Variants in PPP3CC observed in about 807,000 individuals in gnomAD.
The protein encoded by PPP3CC is protein phosphatase 3 catalytic subunit gamma, also known as serine/threonine-protein phosphatase 2B catalytic subunit gamma isoform.
In PPP3CC, 35 loss-of-function variants were observed where a neutral mutation model predicts 60.3. The observed-to-expected ratio is 0.58, with a 90% confidence interval of 0.44 to 0.77. The LOEUF is 0.77. PPP3CC is among the 30% of genes least tolerant of loss of function. The pLI, the probability that PPP3CC is intolerant of heterozygous loss-of-function variation, is 0.00. For missense variants in PPP3CC, 570 were observed against 628.9 expected, an observed-to-expected ratio of 0.91 and a Z score of 1.00; for synonymous variants, 206 against 224.3, an observed-to-expected ratio of 0.92 and a Z score of 0.73.
intron 11 of PPP3CC, 49 bp from the exon 12 acceptor site, chr8:22,532,872 G>A: frequency 7.7e-7 from 1 of 1,303,956 alleles, no homozygotes; most frequent in Non-Finnish European, 1.0e-6. Flanking sequence ...TTAAGTTGCT[G>A]AATGGAGAGT....
At chr8:22,518,691 A>T (rs567831942) in intron 6 of PPP3CC, among the ~76,000 whole-genome samples, 19 of 152,024 alleles carry the variant, frequency 1.2e-4, no homozygotes, top group African/African-American at 4.6e-4. Flanking sequence ...ACTTGCTATT[A>T]TTATTATTAT....
At chr8:22,536,243 T>C (rs73227894) in intron 12 of PPP3CC, among the ~76,000 whole-genome samples, 5,327 of 152,348 alleles carry the variant, frequency 0.035, 135 homozygotes, top group Non-Finnish European at 0.057. Context: ...GTGAGCAGAA[T>C]ATGTTCCCAC....
At chr8:22,449,791 A>G (rs2132428169) in intron 1 of PPP3CC, among the ~76,000 whole-genome samples, 1 of 152,244 alleles carries the variant, frequency 6.6e-6, no homozygotes, top group Non-Finnish European at 1.5e-5. Flanking sequence ...GGATAGTTGA[A>G]AACTGGTGGA....
intron 5 of PPP3CC, among the ~76,000 whole-genome samples, chr8:22,512,769 A>G (rs1465880567): frequency 6.6e-6 from 1 of 152,182 alleles, no homozygotes; most frequent in Non-Finnish European, 1.5e-5. Context: ...GTTAGATGAC[A>G]GGGATGTTTA....
intron 1 of PPP3CC, among the ~76,000 whole-genome samples, chr8:22,441,709 C>T (rs991221740): frequency 6.6e-6 from 1 of 152,028 alleles, no homozygotes; most frequent in Admixed American, 6.5e-5. Context: ...GTGGGGACTT[C>T]TTCTCCCACC....
chr8:22,454,582 A>G (rs75387631), intron 1 of PPP3CC, among the ~76,000 whole-genome samples: 1,966 of 152,338 alleles, frequency 0.013, 44 homozygotes, highest in African/African-American at 0.044. Context: ...GTTTGTTTAC[A>G]CCGGCAGTAC....
intron 10 of PPP3CC, 67 bp downstream of exon 10, chr8:22,528,644 T>G: frequency 8.8e-7 from 1 of 1,140,730 alleles, no homozygotes; most frequent in Non-Finnish European, 1.2e-6. Context: ...TGTTTTAGTT[T>G]ATTTTGAATG....
At chr8:22,479,615 G>T (rs1351654764) in intron 3 of PPP3CC, among the ~76,000 whole-genome samples, 1 of 151,806 alleles carries the variant, frequency 6.6e-6, no homozygotes, top group Non-Finnish European at 1.5e-5. Context: ...GTGGTGGTGG[G>T]CGCCTGTAAT....
chr8:22,540,485 A>T, intron 13 of PPP3CC, 130 bp from the exon 14 acceptor site: 1 of 862,386 alleles, frequency 1.2e-6, no homozygotes, highest in Non-Finnish European at 1.8e-6. Context: ...GACTTTCACT[A>T]GACGTGTGCT....
At chr8:22,458,109 A>T (rs1026132252) in intron 1 of PPP3CC, among the ~76,000 whole-genome samples, 2 of 152,154 alleles carry the variant, frequency 1.3e-5, no homozygotes, top group African/African-American at 4.8e-5. Flanking sequence ...AACAAAAAAA[A>T]CAAAAAAAAC....
At chr8:22,487,000 G>C (rs887313949) in intron 3 of PPP3CC, among the ~76,000 whole-genome samples, 1 of 152,240 alleles carries the variant, frequency 6.6e-6, no homozygotes, top group African/African-American at 2.4e-5. Flanking sequence ...AAAGTGCTGG[G>C]ATTACAGGCA....
chr8:22,441,120 G>A lies in PPP3CC; in HGVS notation c.-290G>A. The A allele has an allele frequency of 3.3e-6, 1 of 302,040 alleles. No individual in the cohort carries two copies. The highest frequency in any genetic ancestry group is 5.1e-5 in the Admixed American group (1 of 19,532). The allele number at this position is 302,040 out of a possible 1,614,324, so 18.7% of individuals were successfully genotyped here. ...GGCCGCGAGCAGCCGCGGCCGTCCC[G>A]GTCGCCACCCTTAGCAGCGGTCGCG... On this transcript the variant is annotated 5_prime_UTR_variant, in exon 1 of 14. Coordinates refer to ENST00000240139, the MANE Select transcript of PPP3CC (RefSeq NM_005605.5).
At chr8:22,480,043 G>C (rs1191320797) in intron 3 of PPP3CC, among the ~76,000 whole-genome samples, 1 of 152,056 alleles carries the variant, frequency 6.6e-6, no homozygotes, top group African/African-American at 2.4e-5. Flanking sequence ...TGCACTTAAT[G>C]TTATCAGCAA....
intron 1 of PPP3CC, among the ~76,000 whole-genome samples, chr8:22,468,022 G>T (rs1003760317): frequency 6.6e-6 from 1 of 152,200 alleles, no homozygotes; most frequent in Non-Finnish European, 1.5e-5. Context: ...CCATGTTGGG[G>T]ATTAGGTTTT....
At chr8:22,496,269 G>A (rs1326723054) in intron 3 of PPP3CC, among the ~76,000 whole-genome samples, 1 of 151,700 alleles carries the variant, frequency 6.6e-6, no homozygotes, top group African/African-American at 2.4e-5. Flanking sequence ...CAGTACCACT[G>A]TTTTGATTAT....
At chr8:22,474,439 C>T (rs1293203518) in intron 1 of PPP3CC, among the ~76,000 whole-genome samples, 1 of 151,978 alleles carries the variant, frequency 6.6e-6, no homozygotes, top group Non-Finnish European at 1.5e-5. Context: ...CGCAGTGGCT[C>T]ACTCCTGTAA....
chr8:22,540,194 A>C lies in PPP3CC; in HGVS notation c.1352-421A>C, dbSNP rs1300704523. On this transcript the variant is annotated intron_variant, in intron 13 of 13. Transcript: ENST00000240139. Reference sequence around the variant, plus strand: ...CTTTTGTTACTTTTTTTTGTGGTCTATGTGGCCTTTGTGCGAAAAGCAACT... The same window carrying C: ...CTTTTGTTACTTTTTTTTGTGGTCTCTGTGGCCTTTGTGCGAAAAGCAACT... Among the ~76,000 whole-genome samples, 8 of 152,088 alleles carry C rather than the reference A, an allele frequency of 5.3e-5. No homozygotes were observed. The South Asian group carries it at 1.7e-3, about 32-fold the overall frequency.
chr8:22,484,943 G>T (rs1229648149), intron 3 of PPP3CC, among the ~76,000 whole-genome samples: 1 of 152,176 alleles, frequency 6.6e-6, no homozygotes, highest in East Asian at 1.9e-4. Flanking sequence ...CTTTGAGGCA[G>T]TGTTTTGTAG....
chr8:22,540,559 C>T (rs1839936419), intron 13 of PPP3CC, 56 bp from the exon 14 acceptor site: 1 of 1,528,218 alleles, frequency 6.5e-7, no homozygotes, highest in African/African-American at 1.4e-5. Context: ...TTTTTTTAAG[C>T]CTGTTGCTTT....
Sources: gnomAD v4.1 joint callset for allele counts (sites outside exome capture counted in the v4.1 genomes callset) on GRCh38, gnomAD v4.1.1 for gene constraint, MANE v1.5 for transcripts, NCBI Gene and HGNC (gene_info 2026-07-23, HGNC 2026-07-21) for gene names.